The following CAB39L variants were observed in gnomAD, a reference collection of about 807,000 sequenced individuals.
CAB39L encodes calcium-binding protein 39-like.
CAB39L carries 23 observed loss-of-function variants against 39.1 expected under a neutral mutation model. The observed-to-expected ratio is 0.59, with a 90% confidence interval of 0.42 to 0.83. The LOEUF (loss-of-function observed/expected upper bound fraction) is 0.83. CAB39L is among the 40% of genes least tolerant of loss of function. The pLI, the probability that CAB39L is intolerant of heterozygous loss-of-function variation, is 0.00. For synonymous variants in CAB39L, 126 were observed against 137.2 expected, an observed-to-expected ratio of 0.92 and a Z score of 0.57; for missense variants, 366 against 391.9, an observed-to-expected ratio of 0.93 and a Z score of 0.56.
intron 3 of CAB39L, among the ~76,000 whole-genome samples, chr13:49,404,893 A>G (rs1025822406): frequency 4.6e-5 from 7 of 152,196 alleles, no homozygotes; most frequent in Non-Finnish European, 1.0e-4. Flanking sequence ...AGTCAAAAGA[A>G]AAAAGAATAA....
At chr13:49,382,292 T>A (rs1956266696) in intron 4 of CAB39L, among the ~76,000 whole-genome samples, 1 of 152,108 alleles carries the variant, frequency 6.6e-6, no homozygotes, top group Admixed American at 6.5e-5. Flanking sequence ...TTTACTGGAA[T>A]AGAAGGATAC....
At chr13:49,406,236 T>C (rs1159455658) in intron 3 of CAB39L, among the ~76,000 whole-genome samples, 3 of 151,134 alleles carry the variant, frequency 2.0e-5, no homozygotes, top group East Asian at 1.9e-4. Flanking sequence ...GGCGTGATCT[T>C]GGCTCACTGC....
chr13:49,360,192 C>T, intron 5 of CAB39L, among the ~76,000 whole-genome samples: 1 of 152,020 alleles, frequency 6.6e-6, no homozygotes, highest in Non-Finnish European at 1.5e-5. Context: ...ATTTTTAAAC[C>T]TTCATGAATA....
chr13:49,346,098 T>TAG (rs201475046), intron 7 of CAB39L, among the ~76,000 whole-genome samples: 726 of 11,486 alleles, frequency 0.063, 60 homozygotes, highest in Admixed American at 0.12. Flanking sequence ...ATATATATGC[T>TAG]AGATATATAT....
intron 1 of CAB39L, among the ~76,000 whole-genome samples, chr13:49,442,427 G>C (rs555370730): frequency 2.0e-5 from 3 of 152,198 alleles, no homozygotes; most frequent in African/African-American, 7.2e-5. Context: ...GTTTCTCCAT[G>C]CATTTTGACA....
chr13:49,365,903 C>A (rs1955757564), intron 5 of CAB39L, among the ~76,000 whole-genome samples: 1 of 152,010 alleles, frequency 6.6e-6, no homozygotes, highest in African/African-American at 2.4e-5. Context: ...CCTAAATGTC[C>A]AAAAACAGAT....
chr13:49,407,808 G>T (rs1956911836), intron 3 of CAB39L, among the ~76,000 whole-genome samples: 1 of 144,622 alleles, frequency 6.9e-6, no homozygotes, highest in Non-Finnish European at 1.5e-5. Flanking sequence ...CAGGTGGATT[G>T]CTTGAGCCCA....
At chr13:49,419,630 G>C (rs924682836) in intron 3 of CAB39L, among the ~76,000 whole-genome samples, 1 of 152,146 alleles carries the variant, frequency 6.6e-6, no homozygotes, top group Non-Finnish European at 1.5e-5. Context: ...AAAATTTCCA[G>C]TGCTTGAATC....
At chr13:49,411,846 C>A (rs905133488) in intron 3 of CAB39L, among the ~76,000 whole-genome samples, 1 of 152,148 alleles carries the variant, frequency 6.6e-6, no homozygotes, top group Non-Finnish European at 1.5e-5. Context: ...GAACACAGGG[C>A]ATAGAAGGGA....
intron 3 of CAB39L, among the ~76,000 whole-genome samples, chr13:49,421,772 G>T (rs1336561842): frequency 6.6e-6 from 1 of 152,006 alleles, no homozygotes; most frequent in Non-Finnish European, 1.5e-5. Context: ...CCTCCCCTAG[G>T]TGGTCAACTG....
intron 10 of CAB39L, among the ~76,000 whole-genome samples, chr13:49,322,417 G>A (rs767446063): frequency 3.3e-5 from 5 of 152,158 alleles, no homozygotes; most frequent in Non-Finnish European, 7.3e-5. Context: ...TTTCTGGCCC[G>A]CAGCGACTGC....
At position 49,442,787 on chromosome 13, in the gene CAB39L, C is replaced by CAAAAA. The variant is rs71078844; in HGVS notation, c.-246+1194_-246+1198dup. Among the ~76,000 whole-genome samples the CAAAAA allele has an allele frequency of 2.5e-3, 264 of 103,612 alleles. 6 individuals carry two copies. Among genetic ancestry groups the CAAAAA allele is most frequent in the African/African-American group, 6.8e-3 (132 of 19,406 alleles). The allele number at this position is 103,612 out of a possible 152,430, so 68.0% of individuals were successfully genotyped here. A position where few individuals can be genotyped will look rare whatever the true frequency, so the allele number is the denominator to read the frequency against. On this transcript the variant is annotated intron_variant, in intron 1 of 10. Transcript: ENST00000409308. ...GCATAGGCGACAAGAGACTCCATCT[C>CAAAAA]AAAAAAAAAAAAAAAAAAAAAAAAA...
At chr13:49,355,792 CATATAT>C (rs758449126) in intron 6 of CAB39L, among the ~76,000 whole-genome samples, 1 of 151,498 alleles carries the variant, frequency 6.6e-6, no homozygotes, top group Non-Finnish European at 1.5e-5. Flanking sequence ...TACACACACA[CATATAT>C]AAAGGCAGGG....
chr13:49,356,133 G>C (rs1355824181), intron 6 of CAB39L, among the ~76,000 whole-genome samples: 1 of 152,196 alleles, frequency 6.6e-6, no homozygotes, highest in African/African-American at 2.4e-5. Context: ...AAACTTTATA[G>C]TGGATTAGAC....
At chr13:49,319,362 T>C (rs1038895733) in intron 10 of CAB39L, among the ~76,000 whole-genome samples, 2 of 152,158 alleles carry the variant, frequency 1.3e-5, no homozygotes, top group African/African-American at 4.8e-5. Flanking sequence ...CACTGTATGA[T>C]TCTATTTATA....
At chr13:49,365,800 T>C (rs1374098615) in intron 5 of CAB39L, among the ~76,000 whole-genome samples, 1 of 152,176 alleles carries the variant, frequency 6.6e-6, no homozygotes, top group Non-Finnish European at 1.5e-5. Context: ...CTTAGGTATA[T>C]GCCCAAAAGA....
chr13:49,391,934 T>C (rs1279376610), intron 3 of CAB39L, among the ~76,000 whole-genome samples: 2 of 145,446 alleles, frequency 1.4e-5, no homozygotes, highest in Non-Finnish European at 3.0e-5. Flanking sequence ...ACTCTCAAAC[T>C]CTCAAATTGG....
intron 10 of CAB39L, 70 bp from the exon 11 acceptor site, chr13:49,311,063 C>T: frequency 1.4e-6 from 2 of 1,401,280 alleles, no homozygotes; most frequent in East Asian, 2.3e-5. Flanking sequence ...GCAGTGCAGG[C>T]CAGGGACCTC....
chr13:49,428,281 G>A (rs117964032), intron 3 of CAB39L, among the ~76,000 whole-genome samples: 1,538 of 152,338 alleles, frequency 0.01, 8 homozygotes, highest in Admixed American at 0.014. Flanking sequence ...GAGCTGGAAG[G>A]ACTACTGGCT....
Sources: gnomAD v4.1 joint callset for allele counts (sites outside exome capture counted in the v4.1 genomes callset) on GRCh38, gnomAD v4.1.1 for gene constraint, MANE v1.5 for transcripts, NCBI Gene and HGNC (gene_info 2026-07-23, HGNC 2026-07-21) for gene names.